SMG6: variants seen among roughly 807,000 people sequenced by gnomAD.
The protein encoded by SMG6 is telomerase-binding protein EST1A.
Under a neutral mutation model 142.2 loss-of-function variants are expected in SMG6, and 66 were observed. The observed-to-expected ratio is 0.46, with a 90% confidence interval of 0.38 to 0.57. The LOEUF (loss-of-function observed/expected upper bound fraction) is 0.57, where lower values mean the gene tolerates loss of function less well. Ranked by LOEUF, SMG6 falls within the 20% of genes least tolerant of loss-of-function variation. The probability of loss-of-function intolerance (pLI) is 0.00; values close to 1 mark genes in which losing one functional copy is unlikely to be tolerated. For missense variants in SMG6, 1,793 were observed against 1,832.0 expected, an observed-to-expected ratio of 0.98 and a Z score of 0.39; for synonymous variants, 779 against 702.4, an observed-to-expected ratio of 1.11 and a Z score of -1.72.
intron 13 of SMG6, among the ~76,000 whole-genome samples, chr17:2,160,658 C>T (rs1450189934): frequency 6.6e-6 from 1 of 152,156 alleles, no homozygotes; most frequent in East Asian, 1.9e-4. Flanking sequence ...AGTGGGACCC[C>T]GTTTCCACAA....
intron 14 of SMG6, among the ~76,000 whole-genome samples, chr17:2,084,352 GCTCATTCTTT>G (rs1194310713): frequency 6.6e-6 from 1 of 152,194 alleles, no homozygotes; most frequent in African/African-American, 2.4e-5. Flanking sequence ...CATGCTAACA[GCTCATTCTTT>G]CCCATTATTC....
chr17:2,297,158 A>T, intron 4 of SMG6, 85 bp downstream of exon 4: 1 of 892,294 alleles, frequency 1.1e-6, no homozygotes, highest in Non-Finnish European at 1.8e-6. Flanking sequence ...CTCAACACCC[A>T]GTACAGTGTC....
chr17:2,292,617 C>G lies in SMG6; in HGVS notation c.2272G>C (p.Ala758Pro). ...CCATTCTTGGGAGCAATGTGCTGGGCCTTCAGGTACCAACTAGAACAGAAA... is the reference window on the plus strand; with the variant it reads ...CCATTCTTGGGAGCAATGTGCTGGGGCTTCAGGTACCAACTAGAACAGAAA... The part of the protein sequence containing the change: ...YGKARSWYLK[A>P]QHIAPKNGRP... Residue 758 changes from alanine (A) to proline (P), a missense_variant, in exon 6 of 19, where the codon GCC becomes CCC. Ala to Pro is a conservative substitution (Grantham distance 27). This residue lies in a region of SMG6 where 1,597 missense variants were observed against 1,584.6 expected (regional missense o/e 1.01). Transcript: ENST00000263073. 1.2e-6 allele frequency: 2 copies of G among 1,606,688 alleles called. No homozygotes were observed. The highest frequency in any genetic ancestry group is 1.7e-6 in the Non-Finnish European group (2 of 1,177,356).
At position 2,085,674 on chromosome 17, in the gene SMG6, A is replaced by G; in HGVS notation, c.3534+51T>C. 6.4e-7 allele frequency: 1 copy of G among 1,555,222 alleles called. No individual in the cohort carries two copies. Among genetic ancestry groups the G allele is most frequent in the Admixed American group, 1.9e-5 (1 of 51,418 alleles). ...GAGGAAAAGCTGAAGCCACGAGCAG[A>G]ATGGGGAGGGGGCCTTCCCTCTGCC... is the stretch of plus-strand genomic sequence containing the variant. On this transcript the variant is annotated intron_variant, in intron 14 of 18. Transcript: ENST00000263073. This position sits in a 1 kb window ranked among gnomAD's most constrained non-coding sequence, Gnocchi z 4.1.
intron 8 of SMG6, among the ~76,000 whole-genome samples, chr17:2,279,628 G>A (rs1293375843): frequency 6.6e-6 from 1 of 152,186 alleles, no homozygotes; most frequent in Non-Finnish European, 1.5e-5. Context: ...AATGAGAAAG[G>A]AGAGAAGTGG....
intron 13 of SMG6, among the ~76,000 whole-genome samples, chr17:2,107,227 T>C (rs890339476): frequency 6.6e-6 from 1 of 152,132 alleles, no homozygotes; most frequent in Non-Finnish European, 1.5e-5. Context: ...CTGGAAATCC[T>C]GCCCTTTGGG....
At chr17:2,256,990 T>G (rs374265774) in intron 8 of SMG6, among the ~76,000 whole-genome samples, 1 of 152,056 alleles carries the variant, frequency 6.6e-6, no homozygotes, top group South Asian at 2.1e-4. Flanking sequence ...TTATTTATTA[T>G]TTTGAGACGG....
At chr17:2,170,491 A>G (rs1256872406) in intron 13 of SMG6, among the ~76,000 whole-genome samples, 2 of 152,262 alleles carry the variant, frequency 1.3e-5, no homozygotes, top group African/African-American at 4.8e-5. Context: ...CCTCTGGCCC[A>G]AGCCATGTCA....
At chr17:2,194,000 A>G (rs1410124574) in intron 10 of SMG6, among the ~76,000 whole-genome samples, 1 of 152,182 alleles carries the variant, frequency 6.6e-6, no homozygotes, top group Non-Finnish European at 1.5e-5. Context: ...CATGTTGGTC[A>G]GGCTGGTCTC....
chr17:2,085,888 T>G lies in SMG6; in HGVS notation c.3371A>C (p.Asp1124Ala). Residue 1124 changes from aspartate (D) to alanine (A), a missense_variant, in exon 14 of 19, where the codon GAC becomes GCC. By Grantham distance (126) the Asp-to-Ala change is moderately radical. This residue lies in a region of SMG6 where 1,597 missense variants were observed against 1,584.6 expected (regional missense o/e 1.01). Coordinates refer to ENST00000263073, the MANE Select transcript of SMG6 (RefSeq NM_017575.5). The surrounding 1 kb of genome is among the most constrained non-coding windows in gnomAD (Gnocchi z 4.1). ...CTTCAGCACTGTGACCCTTTTGCAG[T>G]CAGCTGCAATAACCTACAGGGTGAG... ...EKTSDKVIAADCKRVTVLKYF... is the reference protein window; with the variant it reads ...EKTSDKVIAAACKRVTVLKYF... 1 of 1,614,034 alleles carries G rather than the reference T, an allele frequency of 6.2e-7. No individual in the cohort carries two copies. The highest frequency in any genetic ancestry group is 1.3e-5 in the African/African-American group (1 of 75,014).
At chr17:2,121,629 G>C (rs113841520) in intron 13 of SMG6, among the ~76,000 whole-genome samples, 51,930 of 132,258 alleles carry the variant, frequency 0.39, 10,284 homozygotes, top group African/African-American at 0.56. Context: ...GTGTGTGTGT[G>C]TGTGTGTGTG....
chr17:2,078,405 G>C (rs535691654), intron 15 of SMG6, among the ~76,000 whole-genome samples: 2 of 149,596 alleles, frequency 1.3e-5, no homozygotes, highest in South Asian at 4.2e-4. Context: ...TTGAGACAGA[G>C]TCTCGCCCAG....
intron 13 of SMG6, among the ~76,000 whole-genome samples, chr17:2,140,656 A>G (rs1400083022): frequency 7.1e-6 from 1 of 140,948 alleles, no homozygotes. Flanking sequence ...TGGGTGACAG[A>G]GTGAGATTCC....
At chr17:2,197,391 G>A (rs371943895) in intron 10 of SMG6, among the ~76,000 whole-genome samples, 5 of 151,460 alleles carry the variant, frequency 3.3e-5, no homozygotes, top group African/African-American at 1.2e-4. Context: ...TAGCAAGACT[G>A]TGTCTCTAAA....
chr17:2,251,469 T>A (rs2151314285), intron 8 of SMG6, among the ~76,000 whole-genome samples: 1 of 152,286 alleles, frequency 6.6e-6, no homozygotes, highest in Admixed American at 6.5e-5. Flanking sequence ...GACAGCTCAA[T>A]TAGCTTCAAT....
chr17:2,293,793 T>C (rs2075090847), intron 4 of SMG6, among the ~76,000 whole-genome samples: 1 of 152,236 alleles, frequency 6.6e-6, no homozygotes, highest in Non-Finnish European at 1.5e-5. Context: ...GCCATCATTA[T>C]AGTCTTTCTT....
chr17:2,090,339 A>G (rs2068683931), intron 13 of SMG6, among the ~76,000 whole-genome samples: 1 of 152,030 alleles, frequency 6.6e-6, no homozygotes, highest in African/African-American at 2.4e-5. Context: ...ATGCTGCTTT[A>G]TGAAGGTAGG....
chr17:2,233,286 T>C (rs1263776531), intron 10 of SMG6: 1 of 151,780 alleles, frequency 6.6e-6, no homozygotes, highest in Non-Finnish European at 1.5e-5. Flanking sequence ...CTCCACAGAG[T>C]CCGGAAACTG....
intron 10 of SMG6, among the ~76,000 whole-genome samples, chr17:2,224,271 G>A (rs1481680484): frequency 6.6e-6 from 1 of 152,058 alleles, no homozygotes; most frequent in Non-Finnish European, 1.5e-5. Flanking sequence ...ATAAAGCTAG[G>A]GTCCCACAAG....
Sources: allele counts gnomAD v4.1 joint callset (sites outside exome capture counted in the v4.1 genomes callset), GRCh38; gene constraint gnomAD v4.1.1; regional missense constraint gnomAD v4.1.1; non-coding constraint Gnocchi (gnomAD v3.1); transcripts MANE v1.5; gene names NCBI Gene and HGNC (gene_info 2026-07-23, HGNC 2026-07-21).